Variants in NOL9 observed in about 807,000 individuals in gnomAD.
The protein encoded by NOL9 is nucleolar protein 9.
A neutral mutation model predicts 67.9 loss-of-function variants in NOL9; 28 were observed. The observed-to-expected ratio is 0.41, with a 90% CI of 0.31 to 0.57. The LOEUF (loss-of-function observed/expected upper bound fraction) is 0.57. Among genes scored for constraint, NOL9 ranks in the 20% least tolerant of loss-of-function variants. NOL9 has a pLI of 0.25. For synonymous variants in NOL9, 356 were observed against 352.2 expected (o/e 1.01, Z -0.12); for missense variants, 777 against 897.0 (o/e 0.87, Z 1.71).
chr1:6,532,349 C>G lies in NOL9; in HGVS notation c.1535+114G>C, dbSNP rs1038318407. ...CTGGTTCGTCTTTGTGCATGCACAG[C>G]TGTGACAGGGACCTGAAGATCTTAG... On this transcript the variant is annotated intron_variant, in intron 8 of 11. Coordinates refer to ENST00000377705, the MANE Select transcript of NOL9 (RefSeq NM_024654.5). 1.0e-5 allele frequency: 10 copies of G among 987,192 alleles called. No homozygotes were observed. The African/African-American group carries it at 1.6e-4, about 16-fold the overall frequency. The allele number at this position is 987,192 out of a possible 1,614,324, so 61.2% of individuals were successfully genotyped here. A position where few individuals can be genotyped will look rare whatever the true frequency, so the allele number is the denominator to read the frequency against.
In NOL9 at chr1:6,541,972, C is replaced by T. The variant is rs756009465; in HGVS notation, c.978-45G>A. On this transcript the variant is annotated intron_variant, in intron 5 of 11. Transcript: ENST00000377705. Reference sequence around the variant, plus strand: ...AAAAAAGAAAGAAAATCCTAACTAGCTTTACTCAGTAGAAAGGATAATCAC... The same window carrying T: ...AAAAAAGAAAGAAAATCCTAACTAGTTTTACTCAGTAGAAAGGATAATCAC... 3 of 1,266,416 alleles carry T rather than the reference C, an allele frequency of 2.4e-6. No individual in the cohort carries two copies. The South Asian group carries it at 4.0e-5, about 17-fold the overall frequency. 78.4% of individuals were successfully genotyped at this position (1,266,416 alleles called of 1,614,324 possible).
At chr1:6,546,652 T>C (rs908487956) in intron 3 of NOL9, among the ~76,000 whole-genome samples, 1 of 152,156 alleles carries the variant, frequency 6.6e-6, no homozygotes, top group Non-Finnish European at 1.5e-5. Flanking sequence ...CCATCCCTGG[T>C]AGCCAACTTA....
chr1:6,526,544 G>A (rs1170202385), intron 11 of NOL9, 152 bp downstream of exon 11: 8 of 713,634 alleles, frequency 1.1e-5, no homozygotes, highest in African/African-American at 3.5e-5. Flanking sequence ...CCTTGGAGGC[G>A]GCCCTGACAC....
intron 3 of NOL9, 88 bp from the exon 4 acceptor site, chr1:6,545,268 C>G: frequency 1.5e-6 from 2 of 1,319,010 alleles, no homozygotes; most frequent in Non-Finnish European, 2.1e-6. Flanking sequence ...CAGTTGTGAG[C>G]CAGAGAAGAT....
At position 6,541,839 on chromosome 1, in the gene NOL9, G is replaced by A; in HGVS notation, c.1066C>T (p.Pro356Ser). 6.3e-7 allele frequency: 1 copy of A among 1,593,028 alleles called. No homozygotes were observed. Among genetic ancestry groups the A allele is most frequent in the Non-Finnish European group, 8.6e-7 (1 of 1,167,034 alleles). ...AATATGTAATACATACCCAGAACTG[G>A]TTCTGTAATATTAAGCAAAGAAATG... Reference protein sequence around the residue: ...GCISLLNITEPVLGPPFTHLR... With the variant: ...GCISLLNITESVLGPPFTHLR... The change falls in exon 6 of 12, where the codon CCA becomes TCA. Residue 356 changes from proline to serine, a missense_variant. Physicochemically the swap from Pro to Ser is moderately conservative, Grantham distance 74 (BLOSUM62 -1). This residue lies in a region of NOL9 where 413 missense variants were observed against 552.6 expected (regional missense o/e 0.75). Transcript: ENST00000377705.
intron 6 of NOL9, among the ~76,000 whole-genome samples, chr1:6,541,543 A>C (rs1003218910): frequency 6.6e-6 from 1 of 152,166 alleles, no homozygotes; most frequent in African/African-American, 2.4e-5. Context: ...TAAGATGTTG[A>C]AATTAGGGAA....
intron 5 of NOL9, among the ~76,000 whole-genome samples, chr1:6,542,629 T>C (rs1485766694): frequency 6.6e-6 from 1 of 151,880 alleles, no homozygotes; most frequent in Non-Finnish European, 1.5e-5. Context: ...GGCTAATTTT[T>C]TCTATTTTTA....
intron 6 of NOL9, among the ~76,000 whole-genome samples, chr1:6,536,899 G>C (rs1471575068): frequency 6.6e-6 from 1 of 152,070 alleles, no homozygotes; most frequent in East Asian, 1.9e-4. Flanking sequence ...CCATCTCCGT[G>C]CTTTGGGAAG....
intron 1 of NOL9, among the ~76,000 whole-genome samples, chr1:6,552,631 C>G (rs941444366): frequency 2.0e-5 from 3 of 151,792 alleles, no homozygotes; most frequent in African/African-American, 4.8e-5. Flanking sequence ...TCCAAAAGTG[C>G]TGGGATTACA....
chr1:6,550,215 T>C (rs1446677641), intron 2 of NOL9, among the ~76,000 whole-genome samples, 181 bp downstream of exon 2: 2 of 152,204 alleles, frequency 1.3e-5, no homozygotes. Flanking sequence ...GCATTTTTAG[T>C]AGAGACAGGG....
chr1:6,548,601 C>T, intron 3 of NOL9: 1 of 382,338 alleles, frequency 2.6e-6, no homozygotes, highest in Non-Finnish European at 5.1e-6. Flanking sequence ...AAGGCACAAG[C>T]ACAGAGTCAG....
At chr1:6,527,808 G>A (rs536296054) in intron 10 of NOL9, among the ~76,000 whole-genome samples, 1 of 152,284 alleles carries the variant, frequency 6.6e-6, no homozygotes, top group African/African-American at 2.4e-5. Flanking sequence ...GCACATGCCT[G>A]TAATCCCAGC....
Position 6,533,293 on chromosome 1 carries a change from C to T in NOL9, c.1224G>A (p.Met408Ile). Reference protein sequence around the residue: ...KRESPLIVNTMGWVSDQGLLL... With the variant: ...KRESPLIVNTIGWVSDQGLLL... ...ATGCAGGCTTACCTGAAACCCATCC[C>T]ATAGTGTTGACGATGAGAGGGGACT... is the stretch of plus-strand genomic sequence containing the variant. Residue 408 changes from methionine to isoleucine, a missense_variant, in exon 7 of 12, where the codon ATG (methionine) becomes ATA (isoleucine). By Grantham distance (10) the Met-to-Ile change is conservative (BLOSUM62 1). Around this residue, in one of 2 missense-constraint regions of NOL9, gnomAD observed 413 missense variants for 552.6 expected, o/e 0.75. Coordinates refer to ENST00000377705, the MANE Select transcript of NOL9 (RefSeq NM_024654.5). 6.2e-7 allele frequency: 1 copy of T among 1,603,088 alleles called. No individual in the cohort carries two copies. The highest frequency in any genetic ancestry group is 8.5e-7 in the Non-Finnish European group (1 of 1,173,168).
In NOL9 at chr1:6,545,092, G is replaced by C. The variant is rs1306134536; in HGVS notation, c.833C>G (p.Thr278Ser). ...TTCCAGGGCTGAAAGGGTACTCTCAGTTAACTGAAGGCCTTTCCTTTTTTT... is the reference window on the plus strand; with the variant it reads ...TTCCAGGGCTGAAAGGGTACTCTCACTTAACTGAAGGCCTTTCCTTTTTTT... ...REKKRKGLQL[T>S]ESTLSALEEL... Residue 278 changes from threonine to serine, a missense_variant, in exon 4 of 12, where the codon ACT becomes AGT. By Grantham distance (58) the Thr-to-Ser change is moderately conservative. Around this residue, in one of 2 missense-constraint regions of NOL9, gnomAD observed 413 missense variants for 552.6 expected, o/e 0.75. Transcript: ENST00000377705. 1.2e-6 allele frequency: 2 copies of C among 1,614,106 alleles called. No individual in the cohort carries two copies. The highest frequency in any genetic ancestry group is 2.7e-5 in the African/African-American group (2 of 74,934).
At chr1:6,543,749 G>A (rs1639354184) in intron 5 of NOL9, among the ~76,000 whole-genome samples, 1 of 152,214 alleles carries the variant, frequency 6.6e-6, no homozygotes, top group Admixed American at 6.5e-5. Flanking sequence ...GCCAAGGTAG[G>A]AGGATTGCTT....
chr1:6,531,142 T>C (rs1307795314), intron 9 of NOL9, among the ~76,000 whole-genome samples: 1 of 152,194 alleles, frequency 6.6e-6, no homozygotes, highest in Non-Finnish European at 1.5e-5. Context: ...AAACAATTAT[T>C]AGCAGCCTGG....
rs1362466145 is a variant in NOL9 at position 6,550,559 on chromosome 1, T to C, written c.453A>G (p.Val151=). 16 of 1,613,586 alleles carry C rather than the reference T, an allele frequency of 9.9e-6. No homozygotes were observed. The highest frequency in any genetic ancestry group is 1.4e-5 in the Non-Finnish European group (16 of 1,179,978). ...RVTCLYGQVQ[V]FGFTISQGQP... ...GGCCTTGGCTGATGGTAAAACCAAA[T>C]ACCTGCACCTGGCCATAGAGGCAAG... Residue 151 remains valine (V), a synonymous_variant, in exon 2 of 12, where the codon GTA becomes GTG. Transcript: ENST00000377705.
rs919065943 is a variant in NOL9, at chr1:6,554,116, C to G, written c.387G>C (p.Pro129=). 4 of 1,527,710 alleles carry G rather than the reference C, an allele frequency of 2.6e-6. No individual in the cohort carries two copies. The highest frequency in any genetic ancestry group is 2.7e-5 in the East Asian group (1 of 37,314). 94.6% of individuals were successfully genotyped at this position (1,527,710 alleles called of 1,614,324 possible). ...GGCGCCCCCCACCTACCTGCTCGACCGGCAGCAGCAGCAACGCGCGGCCGG... is the reference window on the plus strand; with the variant it reads ...GGCGCCCCCCACCTACCTGCTCGACGGGCAGCAGCAGCAACGCGCGGCCGG... ...VGPGRALLLL[P]VEQGFTFSGI... is the part of the protein sequence containing the mutation. Residue 129 remains proline (P), a synonymous_variant, in exon 1 of 12, where the codon CCG becomes CCC. Coordinates refer to ENST00000377705, the MANE Select transcript of NOL9 (RefSeq NM_024654.5).
In NOL9 at chr1:6,546,393, A is replaced by G. The variant is rs546939708; in HGVS notation, c.745-1213T>C. On this transcript the variant is annotated intron_variant, in intron 3 of 11. Transcript: ENST00000377705. ...CAGCTACTGGACTCTGCAAAAGACT[A>G]AAAGGCAATCACAACAGTCCGTTCG... 3.3e-5 allele frequency among the ~76,000 whole-genome samples: 5 copies of G among 152,312 alleles called. No individual in the cohort carries two copies. In the South Asian group the frequency reaches 1.0e-3, roughly 32 times the overall value.
Sources: gnomAD v4.1 joint callset for allele counts (sites outside exome capture counted in the v4.1 genomes callset) on GRCh38, gnomAD v4.1.1 for gene constraint, gnomAD v4.1.1 regional missense constraint, MANE v1.5 for transcripts, NCBI Gene and HGNC (gene_info 2026-07-23, HGNC 2026-07-21) for gene names.